EXT2: variants seen among roughly 807,000 people sequenced by gnomAD.
EXT2 encodes exostosin glycosyltransferase 2, also known as exostosin-2.
A neutral mutation model predicts 81.6 loss-of-function variants in EXT2; 53 were observed. The ratio of observed to expected loss-of-function variants is 0.65; its 90% confidence interval spans 0.52 to 0.82. The LOEUF (loss-of-function observed/expected upper bound fraction) is 0.82. Ranked by LOEUF, EXT2 falls within the 40% of genes least tolerant of loss-of-function variation. The pLI is 0.00. For synonymous variants in EXT2, 320 were observed against 340.0 expected, an observed-to-expected ratio of 0.94 and a Z score of 0.65; for missense variants, 774 against 910.2, an observed-to-expected ratio of 0.85 and a Z score of 1.93.
chr11:44,248,128 G>A lies in EXT2; in HGVS notation c.*3841G>A, dbSNP rs1024695972. Among the ~76,000 whole-genome samples, 91 of 152,146 alleles carry A rather than the reference G, an allele frequency of 6.0e-4. 1 individual carries two copies. Among genetic ancestry groups the A allele is most frequent in the African/African-American group, 2.1e-3 (89 of 41,418 alleles). ...CCTGGTGTGTTTCCTTTGCTTTGTA[G>A]CTCCTTTGGGGGTATGCTGCTTTTT... On this transcript the variant is annotated 3_prime_UTR_variant, in exon 14 of 14. Transcript: ENST00000533608.
chr11:44,233,989 A>G, intron 11 of EXT2, 126 bp from the exon 12 acceptor site: 1 of 1,373,820 alleles, frequency 7.3e-7, no homozygotes, highest in Non-Finnish European at 1.0e-6. Context: ...CTTCCTATTA[A>G]TACAGCCTTG....
At chr11:44,226,945 C>G in intron 10 of EXT2, among the ~76,000 whole-genome samples, 1 of 152,236 alleles carries the variant, frequency 6.6e-6, no homozygotes, top group East Asian at 1.9e-4. Flanking sequence ...ACTGCACCCC[C>G]AATTCCATTT....
intron 4 of EXT2, among the ~76,000 whole-genome samples, chr11:44,119,677 C>T (rs964283272): frequency 6.6e-6 from 1 of 152,230 alleles, no homozygotes; most frequent in Admixed American, 6.5e-5. Context: ...GGAACCCTCT[C>T]CAAATCCAAG....
At chr11:44,231,482 T>C (rs908746595) in intron 10 of EXT2, among the ~76,000 whole-genome samples, 3 of 152,190 alleles carry the variant, frequency 2.0e-5, no homozygotes, top group African/African-American at 7.2e-5. Flanking sequence ...AACATAAATT[T>C]AGAGGTCACC....
At chr11:44,212,936 G>T (rs1955669530) in intron 10 of EXT2, among the ~76,000 whole-genome samples, 1 of 152,074 alleles carries the variant, frequency 6.6e-6, no homozygotes, top group Non-Finnish European at 1.5e-5. Flanking sequence ...AGCTTTTCAG[G>T]TGATGGAAAT....
chr11:44,142,694 C>T (rs1954662065), intron 7 of EXT2, among the ~76,000 whole-genome samples: 1 of 152,102 alleles, frequency 6.6e-6, no homozygotes, highest in South Asian at 2.1e-4. Context: ...AAGCTGCAGA[C>T]TATGGTTGAG....
intron 8 of EXT2, among the ~76,000 whole-genome samples, chr11:44,175,206 T>C (rs1182064487): frequency 6.6e-6 from 1 of 151,946 alleles, no homozygotes; most frequent in Non-Finnish European, 1.5e-5. Flanking sequence ...TCTGGAAAAA[T>C]GGACTGTTCT....
intron 10 of EXT2, among the ~76,000 whole-genome samples, chr11:44,211,422 T>A (rs1237900287): frequency 6.6e-6 from 1 of 152,204 alleles, no homozygotes; most frequent in Non-Finnish European, 1.5e-5. Flanking sequence ...GTGATGCATA[T>A]GCACAATGGA....
At chr11:44,189,225 A>G (rs1180908777) in intron 8 of EXT2, among the ~76,000 whole-genome samples, 2 of 152,224 alleles carry the variant, frequency 1.3e-5, no homozygotes, top group Non-Finnish European at 2.9e-5. Flanking sequence ...AGGAGCTTTA[A>G]GTTGATAATT....
chr11:44,242,647 G>A (rs1956050260), intron 13 of EXT2, among the ~76,000 whole-genome samples: 1 of 152,056 alleles, frequency 6.6e-6, no homozygotes, highest in African/African-American at 2.4e-5. Context: ...CAAGGGGGGT[G>A]ATGAGTATGG....
chr11:44,168,612 T>C (rs534623457), intron 7 of EXT2, among the ~76,000 whole-genome samples: 33 of 152,268 alleles, frequency 2.2e-4, no homozygotes, highest in Non-Finnish European at 4.4e-4. Context: ...GCATATTGTC[T>C]TCAAAGGTGC....
Position 44,117,266 on chromosome 11 carries a change from G to A in EXT2, c.743+2965G>A, listed in dbSNP as rs1169592466. ...TTACAGGTGTGAGCCACCGCACCCG[G>A]CCTCACATTCTTGATAGTGTCCTTT... On this transcript the variant is annotated intron_variant, in intron 4 of 13. Coordinates refer to ENST00000533608, the MANE Select transcript of EXT2 (RefSeq NM_207122.2). 2.0e-5 allele frequency among the ~76,000 whole-genome samples: 3 copies of A among 152,128 alleles called. 1 individual carries two copies. The highest frequency in any genetic ancestry group is 4.8e-5 in the African/African-American group (2 of 41,428).
chr11:44,123,819 A>G (rs1274474504), intron 4 of EXT2, among the ~76,000 whole-genome samples: 1 of 151,922 alleles, frequency 6.6e-6, no homozygotes, highest in African/African-American at 2.4e-5. Context: ...ATTACTTCCC[A>G]TCTGGTCTCT....
chr11:44,117,443 G>C (rs980817567), intron 4 of EXT2, among the ~76,000 whole-genome samples: 2 of 152,160 alleles, frequency 1.3e-5, no homozygotes, highest in African/African-American at 4.8e-5. Flanking sequence ...TTACAGTTTT[G>C]GCTCTTACAT....
intron 7 of EXT2, among the ~76,000 whole-genome samples, chr11:44,147,661 C>T (rs1160857677): frequency 1.3e-5 from 2 of 151,514 alleles, no homozygotes; most frequent in East Asian, 1.9e-4. Context: ...CCCGGGTTCA[C>T]GCCATTCTCC....
At chr11:44,180,205 T>G (rs1368337002) in intron 8 of EXT2, among the ~76,000 whole-genome samples, 1 of 152,228 alleles carries the variant, frequency 6.6e-6, no homozygotes, top group Non-Finnish European at 1.5e-5. Context: ...TTTAAATTTC[T>G]TACTCAGAAA....
chr11:44,153,460 A>T (rs896563711), intron 7 of EXT2, among the ~76,000 whole-genome samples: 1 of 152,014 alleles, frequency 6.6e-6, no homozygotes, highest in Non-Finnish European at 1.5e-5. Context: ...TTATCTGTGA[A>T]CAAAGACAGT....
chr11:44,171,863 C>T, intron 8 of EXT2, 121 bp downstream of exon 8: 1 of 1,464,022 alleles, frequency 6.8e-7, no homozygotes, highest in Non-Finnish European at 9.4e-7. Flanking sequence ...TGAGAGTGTG[C>T]TTTTTATACT....
intron 7 of EXT2, among the ~76,000 whole-genome samples, chr11:44,135,750 T>C (rs1954557477): frequency 6.6e-6 from 1 of 152,198 alleles, no homozygotes; most frequent in Admixed American, 6.5e-5. Context: ...GATAGCCAGC[T>C]TTTCAGGTTT....
Sources: allele counts gnomAD v4.1 joint callset (sites outside exome capture counted in the v4.1 genomes callset), GRCh38; gene constraint gnomAD v4.1.1; transcripts MANE v1.5; gene names NCBI Gene and HGNC (gene_info 2026-07-23, HGNC 2026-07-21).